FAM107B: variants seen among roughly 807,000 people sequenced by gnomAD.
FAM107B encodes protein FAM107B.
A neutral mutation model predicts 31.5 loss-of-function variants in FAM107B; 21 were observed. That is an observed-to-expected ratio of 0.67 (90% CI 0.47 to 0.96). FAM107B has a LOEUF of 0.96. Among genes scored for constraint, FAM107B ranks in the 40% least tolerant of loss-of-function variants. The probability of loss-of-function intolerance (pLI) is 0.00; values close to 1 mark genes in which losing one functional copy is unlikely to be tolerated. For missense variants in FAM107B, 452 were observed against 377.1 expected, an observed-to-expected ratio of 1.20 and a Z score of -1.64; for synonymous variants, 157 against 141.5, an observed-to-expected ratio of 1.11 and a Z score of -0.78.
chr10:14,615,410 ATCTT>A (rs1216732307), intron 2 of FAM107B, among the ~76,000 whole-genome samples: 1 of 152,192 alleles, frequency 6.6e-6, no homozygotes, highest in Non-Finnish European at 1.5e-5. Context: ...ATTAATGGAT[ATCTT>A]TTGGTCTTCT....
At chr10:14,750,569 G>A (rs1163874846) in intron 1 of FAM107B, among the ~76,000 whole-genome samples, 3 of 152,102 alleles carry the variant, frequency 2.0e-5, no homozygotes, top group Admixed American at 6.6e-5. Context: ...CTGAGATCAC[G>A]CCACTGCACT....
intron 1 of FAM107B, among the ~76,000 whole-genome samples, chr10:14,713,724 G>A (rs1439996029): frequency 6.6e-6 from 1 of 152,110 alleles, no homozygotes; most frequent in East Asian, 1.9e-4. Flanking sequence ...ACAGACATAT[G>A]TACATGTATG....
intron 1 of FAM107B, among the ~76,000 whole-genome samples, chr10:14,716,366 C>T (rs1193259366): frequency 6.6e-6 from 1 of 152,222 alleles, no homozygotes; most frequent in Non-Finnish European, 1.5e-5. Flanking sequence ...AGGGCAGCTG[C>T]TCACCGGCTG....
At position 14,715,288 on chromosome 10, in the gene FAM107B, C is replaced by T. The variant is rs368728167; in HGVS notation, c.412-47597G>A. ...AATCAGAGCTCAAGAAAGAAACTTTCTTTGGAAATTAAAAATACGATCACT... is the reference window on the plus strand; with the variant it reads ...AATCAGAGCTCAAGAAAGAAACTTTTTTTGGAAATTAAAAATACGATCACT... On this transcript the variant is annotated intron_variant, in intron 1 of 4. Coordinates refer to ENST00000181796, the MANE Select transcript of FAM107B (RefSeq NM_031453.4). Among the ~76,000 whole-genome samples the T allele has an allele frequency of 3.3e-5, 5 of 152,080 alleles. No homozygotes were observed. In the East Asian group the frequency reaches 7.7e-4, roughly 23 times the overall value.
At chr10:14,679,489 G>T (rs117840281) in intron 1 of FAM107B, among the ~76,000 whole-genome samples, 1 of 152,160 alleles carries the variant, frequency 6.6e-6, no homozygotes, top group Admixed American at 6.5e-5. Context: ...ATGAAACAAG[G>T]TGATGTATGT....
rs1015936071 is a variant in FAM107B, at chr10:14,774,760, G to T, written c.-97C>A. 2 of 1,342,258 alleles carry T rather than the reference G, an allele frequency of 1.5e-6. No homozygotes were observed. The highest frequency in any genetic ancestry group is 1.5e-5 in the African/African-American group (1 of 68,478). The allele number at this position is 1,342,258 out of a possible 1,614,324, so 83.1% of individuals were successfully genotyped here. A position where few individuals can be genotyped will look rare whatever the true frequency, so the allele number is the denominator to read the frequency against. ...TTGCTTATAGGAACTCTTTCCAATT[G>T]CCCGAAGAGAAGAACTTGCTAGTGG... On this transcript the variant is annotated 5_prime_UTR_variant, in exon 1 of 5. Transcript: ENST00000181796.
chr10:14,525,533 A>C (rs1276214188), intron 3 of FAM107B, among the ~76,000 whole-genome samples: 1 of 152,188 alleles, frequency 6.6e-6, no homozygotes, highest in Non-Finnish European at 1.5e-5. Flanking sequence ...TGGCCCCAAA[A>C]TTATGCAAAG....
At chr10:14,731,224 T>C (rs1044609319) in intron 1 of FAM107B, among the ~76,000 whole-genome samples, 2 of 152,158 alleles carry the variant, frequency 1.3e-5, no homozygotes, top group Non-Finnish European at 2.9e-5. Flanking sequence ...GAAAAGGTGC[T>C]TGCCCTGTGG....
At chr10:14,743,707 G>C (rs991751367) in intron 1 of FAM107B, among the ~76,000 whole-genome samples, 1 of 152,114 alleles carries the variant, frequency 6.6e-6, no homozygotes, top group African/African-American at 2.4e-5. Context: ...TGTTCCATTG[G>C]TCTATGTGTC....
chr10:14,665,986 G>A (rs1187828144), intron 2 of FAM107B, among the ~76,000 whole-genome samples: 2 of 152,106 alleles, frequency 1.3e-5, no homozygotes, highest in African/African-American at 4.8e-5. Flanking sequence ...CCCCACTACA[G>A]ACAGTAAGAG....
At chr10:14,540,383 C>T (rs551749490) in intron 2 of FAM107B, among the ~76,000 whole-genome samples, 8 of 152,348 alleles carry the variant, frequency 5.3e-5, no homozygotes, top group Non-Finnish European at 1.0e-4. Flanking sequence ...TTCACAGCAA[C>T]AGCATGTTTC....
intron 1 of FAM107B, among the ~76,000 whole-genome samples, chr10:14,741,774 G>A (rs1303454620): frequency 1.4e-5 from 2 of 138,750 alleles, no homozygotes; most frequent in African/African-American, 5.5e-5. Context: ...AGGCTGGAGT[G>A]CAGTGGTGCA....
At chr10:14,677,254 C>T (rs1189157770) in intron 1 of FAM107B, among the ~76,000 whole-genome samples, 2 of 152,156 alleles carry the variant, frequency 1.3e-5, no homozygotes, top group East Asian at 3.8e-4. Flanking sequence ...CAGGCCTACT[C>T]GGCTCTCAAA....
chr10:14,726,398 C>A (rs1487044482), intron 1 of FAM107B, among the ~76,000 whole-genome samples: 4 of 152,096 alleles, frequency 2.6e-5, no homozygotes, highest in Admixed American at 2.0e-4. Flanking sequence ...TGCCTCAGAG[C>A]CGAGCAGAAC....
intron 2 of FAM107B, among the ~76,000 whole-genome samples, chr10:14,550,656 A>G (rs1401602141): frequency 6.6e-6 from 1 of 152,178 alleles, no homozygotes; most frequent in Non-Finnish European, 1.5e-5. Flanking sequence ...TGAGTTACCC[A>G]AGTTGTCATG....
intron 2 of FAM107B, among the ~76,000 whole-genome samples, chr10:14,608,767 T>C (rs1852655634): frequency 6.6e-6 from 1 of 152,154 alleles, no homozygotes; most frequent in South Asian, 2.1e-4. Flanking sequence ...TCAGCCCAAA[T>C]CCAAGATTTG....
At chr10:14,531,195 G>A (rs997100146) in intron 2 of FAM107B, among the ~76,000 whole-genome samples, 6 of 152,052 alleles carry the variant, frequency 3.9e-5, no homozygotes, top group East Asian at 1.9e-4. Context: ...TGCCTGCTTC[G>A]CCCACCGCTG....
At chr10:14,601,993 A>G (rs1852414113) in intron 2 of FAM107B, among the ~76,000 whole-genome samples, 3 of 152,228 alleles carry the variant, frequency 2.0e-5, no homozygotes, top group Admixed American at 6.5e-5. Context: ...TCAGTTTCTC[A>G]GAAGCGCAAA....
chr10:14,542,900 G>A (rs1280507778), intron 2 of FAM107B, among the ~76,000 whole-genome samples: 1 of 152,186 alleles, frequency 6.6e-6, no homozygotes, highest in Non-Finnish European at 1.5e-5. Flanking sequence ...TTAGTACACT[G>A]GCTTGCATAA....
Sources: gnomAD v4.1 joint callset for allele counts (sites outside exome capture counted in the v4.1 genomes callset) on GRCh38, gnomAD v4.1.1 for gene constraint, MANE v1.5 for transcripts, NCBI Gene and HGNC (gene_info 2026-07-23, HGNC 2026-07-21) for gene names.